Variants in NAV3 observed in about 807,000 individuals in gnomAD.
The protein encoded by NAV3 is pore membrane and/or filament interacting like protein 1.
NAV3 carries 87 observed loss-of-function variants against 244.7 expected under a neutral mutation model. The observed-to-expected ratio is 0.36, with a 90% confidence interval of 0.30 to 0.42. NAV3 has a LOEUF of 0.42. NAV3 is among the 20% of genes least tolerant of loss of function. The pLI, the probability that NAV3 is intolerant of heterozygous loss-of-function variation, is 1.00. For missense variants in NAV3, 2,663 were observed against 2,893.3 expected (o/e 0.92, Z 1.83); for synonymous variants, 1,126 against 1,042.2 (o/e 1.08, Z -1.55).
chr12:77,986,340 C>T (rs902947781), intron 5 of NAV3, among the ~76,000 whole-genome samples: 6 of 151,886 alleles, frequency 4.0e-5, no homozygotes, highest in Admixed American at 6.6e-5. Flanking sequence ...CCTGCCTGGG[C>T]GACAGAGCAA....
In NAV3 at chr12:77,782,932, A is replaced by G. The variant is rs112317374; in HGVS notation, c.73-157387A>G. Among the ~76,000 whole-genome samples the G allele has an allele frequency of 7.2e-3, 1,098 of 152,208 alleles. 12 individuals carry two copies. Among genetic ancestry groups the G allele is most frequent in the African/African-American group, 0.024 (977 of 41,512 alleles). On this transcript the variant is annotated intron_variant, in intron 2 of 8. Coordinates refer to the NAV3 transcript ENST00000550042. Reference sequence around the variant, plus strand: ...ATTGAACATATGCTGATGCAATGTCACAGGCTGTGTTTACAGGCTCTCTGG... The same window carrying G: ...ATTGAACATATGCTGATGCAATGTCGCAGGCTGTGTTTACAGGCTCTCTGG...
intron 2 of NAV3, among the ~76,000 whole-genome samples, chr12:77,628,902 C>CAAAAAAAAAAAAAAAA (rs200250331): frequency 1.2e-5 from 1 of 86,656 alleles, no homozygotes. Context: ...ACCCTGTCTC[C>CAAAAAAAAAAAAAAAA]AAAAAAAAAA....
intron 3 of NAV3, among the ~76,000 whole-genome samples, chr12:77,957,023 G>A (rs186353729): frequency 1.3e-3 from 195 of 152,220 alleles, no homozygotes; most frequent in African/African-American, 4.3e-3. Context: ...GATTACAGGC[G>A]TGAGCCACCA....
intron 12 of NAV3, among the ~76,000 whole-genome samples, chr12:78,114,385 A>G (rs1244924760): frequency 1.3e-5 from 2 of 152,156 alleles, no homozygotes; most frequent in Non-Finnish European, 2.9e-5. Flanking sequence ...TAATAAAGAC[A>G]TACCCAAGGC....
At chr12:77,894,039 G>A (rs1267124530) in intron 1 of NAV3, among the ~76,000 whole-genome samples, 2 of 152,088 alleles carry the variant, frequency 1.3e-5, no homozygotes, top group African/African-American at 4.8e-5. Flanking sequence ...ACCCTTACCT[G>A]GTTTCCTCTT....
intron 2 of NAV3, among the ~76,000 whole-genome samples, chr12:77,592,669 C>G (rs748112771): frequency 3.3e-5 from 5 of 152,130 alleles, no homozygotes; most frequent in Non-Finnish European, 5.9e-5. Flanking sequence ...GGTCAGTGCT[C>G]CTGCATGTGT....
At chr12:77,627,336 A>G (rs978548120) in intron 2 of NAV3, among the ~76,000 whole-genome samples, 5 of 152,210 alleles carry the variant, frequency 3.3e-5, no homozygotes, top group Non-Finnish European at 7.4e-5. Flanking sequence ...CAATCATTAA[A>G]CAAAATACTT....
chr12:77,730,344 A>G (rs1877063574), intron 2 of NAV3, among the ~76,000 whole-genome samples: 1 of 151,896 alleles, frequency 6.6e-6, no homozygotes, highest in Non-Finnish European at 1.5e-5. Context: ...TTAAAAAGAC[A>G]TTTAGTGAAC....
At chr12:78,022,214 A>G (rs879495623) in intron 9 of NAV3, among the ~76,000 whole-genome samples, 3 of 152,166 alleles carry the variant, frequency 2.0e-5, no homozygotes, top group Non-Finnish European at 4.4e-5. Context: ...TCTGTCATCA[A>G]TTCTGTATGA....
chr12:78,038,902 C>T (rs1340972307), intron 9 of NAV3, among the ~76,000 whole-genome samples: 5 of 152,220 alleles, frequency 3.3e-5, no homozygotes, highest in Middle Eastern at 3.4e-3. Context: ...TAAATTATAG[C>T]ATGCTGTGGG....
At chr12:77,789,655 C>T (rs958269336) in intron 2 of NAV3, among the ~76,000 whole-genome samples, 4 of 151,540 alleles carry the variant, frequency 2.6e-5, no homozygotes, top group Admixed American at 2.6e-4. Flanking sequence ...ACTAAAAATA[C>T]AAAAAGCAGC....
chr12:78,014,273 A>G lies in NAV3; in HGVS notation c.1907+6828A>G, dbSNP rs1875808331. Among the ~76,000 whole-genome samples the G allele has an allele frequency of 2.0e-5, 3 of 152,088 alleles. No homozygotes were observed. In the South Asian group the frequency reaches 6.2e-4, roughly 32 times the overall value. ...TGACCATTTGTAGTAAATACCAAGG[A>G]AACAATGCATTGGACATAAAGCAAA... On this transcript the variant is annotated intron_variant, in intron 8 of 39. Coordinates refer to ENST00000397909, the MANE Select transcript of NAV3 (RefSeq NM_001024383.2).
intron 2 of NAV3, among the ~76,000 whole-genome samples, chr12:77,576,556 T>G (rs1869094835): frequency 6.6e-6 from 1 of 152,120 alleles, no homozygotes; most frequent in African/African-American, 2.4e-5. Context: ...CTAGTTCTTA[T>G]TTTGCTATTT....
chr12:78,202,161 G>A (rs1959778949), intron 38 of NAV3, among the ~76,000 whole-genome samples: 1 of 151,750 alleles, frequency 6.6e-6, no homozygotes, highest in African/African-American at 2.4e-5. Context: ...ATAACATATT[G>A]TGTTTCAGAA....
intron 2 of NAV3, among the ~76,000 whole-genome samples, chr12:77,786,709 A>T (rs1283512425): frequency 1.3e-5 from 2 of 152,132 alleles, no homozygotes; most frequent in Non-Finnish European, 2.9e-5. Flanking sequence ...GAATTCCTGA[A>T]GTTTTAAATC....
At chr12:78,023,078 A>G (rs1355257449) in intron 9 of NAV3, among the ~76,000 whole-genome samples, 1 of 152,164 alleles carries the variant, frequency 6.6e-6, no homozygotes, top group Non-Finnish European at 1.5e-5. Context: ...TTATGACCAG[A>G]TGTTTTATAA....
chr12:77,680,759 G>A (rs936371478), intron 2 of NAV3, among the ~76,000 whole-genome samples: 6 of 151,790 alleles, frequency 4.0e-5, no homozygotes, highest in Admixed American at 1.3e-4. Flanking sequence ...CTATACACAC[G>A]AGAATGGAAA....
chr12:78,181,995 G>A (rs561565929), intron 30 of NAV3, among the ~76,000 whole-genome samples: 36 of 152,096 alleles, frequency 2.4e-4, no homozygotes, highest in African/African-American at 1.7e-4. Context: ...CATCTTATAT[G>A]TAAAAGACAA....
At chr12:77,776,182 A>G (rs1365259523) in intron 2 of NAV3, among the ~76,000 whole-genome samples, 1 of 152,222 alleles carries the variant, frequency 6.6e-6, no homozygotes, top group Admixed American at 6.5e-5. Context: ...CAATGGAATA[A>G]ATTCTAGGTG....
Sources: allele counts gnomAD v4.1 joint callset (sites outside exome capture counted in the v4.1 genomes callset), GRCh38; gene constraint gnomAD v4.1.1; transcripts MANE v1.5; gene names NCBI Gene and HGNC (gene_info 2026-07-23, HGNC 2026-07-21).